Variants in KIFC3 observed in about 807,000 individuals in gnomAD.
KIFC3 encodes kinesin family member C3, also known as kinesin-like protein KIFC3.
KIFC3 carries 60 observed loss-of-function variants against 101.8 expected under a neutral mutation model. That is an observed-to-expected ratio of 0.59 (90% CI 0.48 to 0.73). KIFC3 has a LOEUF of 0.73. KIFC3 is among the 30% of genes least tolerant of loss of function. The probability of loss-of-function intolerance (pLI) is 0.00; values close to 1 mark genes in which losing one functional copy is unlikely to be tolerated. For missense variants in KIFC3, 966 were observed against 1,137.1 expected (o/e 0.85, Z 2.16); for synonymous variants, 476 against 482.7 (o/e 0.99, Z 0.18).
At chr16:57,778,336 T>C (rs1555612829) in intron 3 of KIFC3, among the ~76,000 whole-genome samples, 1 of 152,108 alleles carries the variant, frequency 6.6e-6, no homozygotes, top group African/African-American at 2.4e-5. Context: ...ACTATAAAAC[T>C]CTCAGAAGAA....
At chr16:57,845,904 G>A (rs1313047992) in intron 1 of KIFC3, among the ~76,000 whole-genome samples, 4 of 152,172 alleles carry the variant, frequency 2.6e-5, no homozygotes, top group African/African-American at 9.7e-5. Context: ...GTGTCTCCTG[G>A]GCACTGGTAG....
intron 1 of KIFC3, among the ~76,000 whole-genome samples, chr16:57,847,760 TTGTGTGTGTG>T (rs35081728): frequency 0.03 from 4,191 of 139,770 alleles, 198 homozygotes; most frequent in African/African-American, 0.1. Context: ...CCAGATGAAT[TTGTGTGTGTG>T]TGTGTGTGTG....
At chr16:57,823,993 AAAAG>A (rs1328147774) in intron 1 of KIFC3, among the ~76,000 whole-genome samples, 3 of 152,212 alleles carry the variant, frequency 2.0e-5, no homozygotes, top group African/African-American at 7.2e-5. Context: ...TATGAAAGAA[AAAAG>A]AAAGAAAGAA....
chr16:57,827,459 G>T (rs373164343), intron 1 of KIFC3, among the ~76,000 whole-genome samples: 4 of 152,356 alleles, frequency 2.6e-5, no homozygotes, highest in African/African-American at 7.2e-5. Flanking sequence ...GAGCCAGAGA[G>T]CCAGCCCATG....
In KIFC3 at chr16:57,798,077, C is replaced by G. The variant is rs1241093745; in HGVS notation, c.167G>C (p.Arg56Thr). 1 of 1,592,604 alleles carries G rather than the reference C, an allele frequency of 6.3e-7. No individual in the cohort carries two copies. Among genetic ancestry groups the G allele is most frequent in the African/African-American group, 1.3e-5 (1 of 74,592 alleles). Residue 56 changes from arginine (R) to threonine (T), a missense_variant, in exon 2 of 20, where the codon AGA becomes ACA. Physicochemically the swap from Arg to Thr is moderately conservative, Grantham distance 71. Around this residue, in one of 2 missense-constraint regions of KIFC3, gnomAD observed 277 missense variants for 252.5 expected, o/e 1.10. Coordinates refer to ENST00000445690, the MANE Select transcript of KIFC3 (RefSeq NM_001130100.2). ...TTTTAAAAATGCGGACTCACCAGTT[C>G]TCAACCTCCCCGGGCCGGTGTGTGG... ...PFPHTGPGRL[R>T]TGRGKDTPVC...
At chr16:57,800,786 A>T (rs1568062669) in intron 1 of KIFC3, among the ~76,000 whole-genome samples, 1 of 152,158 alleles carries the variant, frequency 6.6e-6, no homozygotes, top group Non-Finnish European at 1.5e-5. Context: ...GTATCAAGGA[A>T]TCTTAAGCCC....
intron 3 of KIFC3, among the ~76,000 whole-genome samples, chr16:57,781,409 G>A (rs1555614589): frequency 4.6e-5 from 7 of 152,244 alleles, no homozygotes. Context: ...ACATTCACAA[G>A]AGGACAGGGG....
chr16:57,832,829 C>A (rs557513061), intron 1 of KIFC3, among the ~76,000 whole-genome samples: 255 of 152,276 alleles, frequency 1.7e-3, no homozygotes, highest in African/African-American at 6.0e-3. Context: ...CTTCAGACAT[C>A]CCTACGGATA....
In KIFC3 at chr16:57,770,536, G is replaced by C. The variant is rs2051030533; in HGVS notation, c.930C>G (p.Leu310=). ...CACACAGCCTGGGTACCTGCGCCCG[G>C]AGCCGCGCGGTCAGCTGGTGTGAGC... ...LQSSHQLTAR[L]RAQIAMYESE... Residue 310 remains leucine, a synonymous_variant, in exon 7 of 20, where the codon CTC becomes CTG. Transcript: ENST00000445690. 2.8e-6 allele frequency: 4 copies of C among 1,446,706 alleles called. No individual in the cohort carries two copies. In the East Asian group the frequency reaches 1.1e-4, roughly 40 times the overall value. 89.6% of individuals were successfully genotyped at this position (1,446,706 alleles called of 1,614,324 possible).
At chr16:57,795,504 G>C in intron 2 of KIFC3, among the ~76,000 whole-genome samples, 1 of 152,236 alleles carries the variant, frequency 6.6e-6, no homozygotes, top group East Asian at 1.9e-4. Flanking sequence ...TTGAGGACTT[G>C]CACAGGGGCT....
chr16:57,801,236 T>TG (rs1372191103), intron 1 of KIFC3, among the ~76,000 whole-genome samples: 2 of 152,138 alleles, frequency 1.3e-5, no homozygotes, highest in African/African-American at 4.8e-5. Context: ...TTGCAAAGAC[T>TG]GGGGGGACAG....
rs138458753 is a variant in KIFC3 at position 57,781,240 on chromosome 16, G to A, written c.316-8952C>T. On this transcript the variant is annotated intron_variant, in intron 3 of 19. Coordinates refer to ENST00000445690, the MANE Select transcript of KIFC3 (RefSeq NM_001130100.2). ...TTAGGTGGGAGGATGGCTTGAGCCC[G>A]GGAGGCAGGGGCTACAGTGAGCTGT... 1.4e-4 allele frequency among the ~76,000 whole-genome samples: 21 copies of A among 152,230 alleles called. No individual in the cohort carries two copies. The East Asian group carries it at 3.1e-3, about 22-fold the overall frequency.
chr16:57,854,313 A>C (rs2056120227), intron 1 of KIFC3, among the ~76,000 whole-genome samples: 1 of 152,128 alleles, frequency 6.6e-6, no homozygotes, highest in Admixed American at 6.6e-5. Flanking sequence ...CTTTATATAT[A>C]ATGATATAGG....
intron 1 of KIFC3, among the ~76,000 whole-genome samples, chr16:57,827,542 CT>C (rs1160339320): frequency 6.6e-6 from 1 of 152,232 alleles, no homozygotes; most frequent in African/African-American, 2.4e-5. Flanking sequence ...GTTCCTGGAG[CT>C]TCCGTTCTGC....
intron 1 of KIFC3, among the ~76,000 whole-genome samples, chr16:57,847,679 G>A (rs1380349656): frequency 2.6e-5 from 4 of 151,994 alleles, no homozygotes; most frequent in Non-Finnish European, 5.9e-5. Flanking sequence ...AAATGCGTAA[G>A]AGAACATTGA....
intron 1 of KIFC3, among the ~76,000 whole-genome samples, chr16:57,831,005 G>C (rs1235132478): frequency 6.6e-6 from 1 of 152,188 alleles, no homozygotes; most frequent in Admixed American, 6.5e-5. Flanking sequence ...TTCAATTAAG[G>C]CGTCACCAGA....
intron 1 of KIFC3, among the ~76,000 whole-genome samples, chr16:57,837,431 A>G (rs1241522063): frequency 1.3e-5 from 2 of 151,636 alleles, no homozygotes; most frequent in Non-Finnish European, 2.9e-5. Context: ...TCATGCCACT[A>G]CACTCCAACA....
chr16:57,763,012 G>A (rs2050046087), intron 12 of KIFC3, among the ~76,000 whole-genome samples: 1 of 152,098 alleles, frequency 6.6e-6, no homozygotes, highest in Non-Finnish European at 1.5e-5. Context: ...CTGCTCCTTC[G>A]CCCAGCACCC....
intron 10 of KIFC3, chr16:57,765,847 C>T (rs2050421891): frequency 7.8e-6 from 4 of 511,888 alleles, no homozygotes; most frequent in African/African-American, 5.8e-5. Flanking sequence ...CTTGAACAGA[C>T]CAGTTGACTG....
Sources: gnomAD v4.1 joint callset for allele counts (sites outside exome capture counted in the v4.1 genomes callset) on GRCh38, gnomAD v4.1.1 for gene constraint, gnomAD v4.1.1 regional missense constraint, MANE v1.5 for transcripts, NCBI Gene and HGNC (gene_info 2026-07-23, HGNC 2026-07-21) for gene names.